PCDHGA3: variants seen among roughly 807,000 people sequenced by gnomAD.
PCDHGA3 encodes protocadherin gamma-A3.
A neutral mutation model predicts 58.5 loss-of-function variants in PCDHGA3; 40 were observed. The ratio of observed to expected loss-of-function variants is 0.68; its 90% CI spans 0.53 to 0.89. PCDHGA3 has a LOEUF of 0.89. PCDHGA3 is among the 40% of genes least tolerant of loss of function. The pLI, the probability that PCDHGA3 is intolerant of heterozygous loss-of-function variation, is 0.00. For synonymous variants in PCDHGA3, 530 were observed against 525.7 expected, an observed-to-expected ratio of 1.01 and a Z score of -0.11; for missense variants, 1,223 against 1,195.9, an observed-to-expected ratio of 1.02 and a Z score of -0.33.
intron 1 of PCDHGA3, chr5:141,393,872 T>G (rs774307056): frequency 1.2e-6 from 2 of 1,613,898 alleles, no homozygotes; most frequent in Admixed American, 3.3e-5. Flanking sequence ...CGTCTTTGTT[T>G]AGCCCAGTGT....
Position 141,511,015 on chromosome 5 carries a change from C to T in PCDHGA3, c.2641C>T (p.Pro881Ser), listed in dbSNP as rs1430257603. The T allele has an allele frequency of 1.2e-6, 2 of 1,614,106 alleles. No homozygotes were observed. The highest frequency in any genetic ancestry group is 1.3e-5 in the African/African-American group (1 of 74,936). The stretch of plus-strand genomic sequence containing the variant: ...CATGGGATTGAGCGCCCGCTACGGA[C>T]CCCAGTTCACCCTGCAGCACGTGCC... ...GTMGLSARYG[P>S]QFTLQHVPDY... Residue 881 changes from proline (P) to serine (S), a missense_variant, in exon 4 of 4, where the codon CCC (proline) becomes TCC (serine). Coordinates refer to ENST00000253812, the MANE Select transcript of PCDHGA3 (RefSeq NM_018916.4).
intron 1 of PCDHGA3, chr5:141,383,561 C>A: frequency 5.0e-6 from 8 of 1,613,196 alleles, no homozygotes; most frequent in Non-Finnish European, 6.8e-6. Context: ...GGCGACCCGC[C>A]CCGATCCAGC....
rs201139834 is a variant in PCDHGA3 at position 141,371,333 on chromosome 5, T to G, written c.2424+24876T>G. ...GAGAACTGGACTTTGAAGAGAGAGA[T>G]AGCTACACAATTGGGGTGGAAGCAA... On this transcript the variant is annotated intron_variant, in intron 1 of 3. Transcript: ENST00000253812. 80 of 1,613,850 alleles carry G rather than the reference T, an allele frequency of 5.0e-5. No homozygotes were observed. The East Asian group carries it at 1.7e-3, about 34-fold the overall frequency.
intron 1 of PCDHGA3, chr5:141,404,268 C>A (rs1334326806): frequency 1.2e-6 from 2 of 1,613,860 alleles, no homozygotes; most frequent in African/African-American, 2.7e-5. Context: ...ATTCACATCA[C>A]CCTGCAAGTG....
At chr5:141,388,668 C>G in intron 1 of PCDHGA3, 1 of 1,613,882 alleles carries the variant, frequency 6.2e-7, no homozygotes, top group Non-Finnish European at 8.5e-7. Flanking sequence ...GACCACGGTG[C>G]TACAGGTGAC....
chr5:141,433,174 G>A (rs1298757358), intron 1 of PCDHGA3: 1 of 1,610,308 alleles, frequency 6.2e-7, no homozygotes, highest in Non-Finnish European at 8.5e-7. Context: ...ACAGTCATGG[G>A]TTAATTGAGG....
chr5:141,368,187 G>A (rs80010247), intron 1 of PCDHGA3, among the ~76,000 whole-genome samples: 206 of 152,174 alleles, frequency 1.4e-3, no homozygotes, highest in African/African-American at 4.8e-3. Context: ...GACTAAATAA[G>A]GGGAAAAGGT....
At chr5:141,362,149 T>C (rs759063405) in intron 1 of PCDHGA3, 2 of 1,614,036 alleles carry the variant, frequency 1.2e-6, no homozygotes, top group East Asian at 2.2e-5. Context: ...GCAAGAGGTA[T>C]TGCCAGACCT....
chr5:141,443,849 T>A (rs1233479391), intron 1 of PCDHGA3, among the ~76,000 whole-genome samples: 2 of 152,136 alleles, frequency 1.3e-5, no homozygotes, highest in Admixed American at 1.3e-4. Flanking sequence ...ATATGGAAAG[T>A]CTGAAAACTG....
chr5:141,457,504 A>G (rs2098922754), intron 1 of PCDHGA3, among the ~76,000 whole-genome samples: 1 of 152,222 alleles, frequency 6.6e-6, no homozygotes, highest in Non-Finnish European at 1.5e-5. Context: ...GTAGGCAAAA[A>G]GCTTAAAAAC....
chr5:141,351,045 T>A, intron 1 of PCDHGA3: 1 of 1,614,090 alleles, frequency 6.2e-7, no homozygotes, highest in Non-Finnish European at 8.5e-7. Flanking sequence ...CTGCGGGTGA[T>A]GGCCACAGAC....
intron 1 of PCDHGA3, chr5:141,428,361 C>T (rs1285334430): frequency 9.0e-6 from 5 of 556,646 alleles, no homozygotes; most frequent in South Asian, 7.5e-5. Context: ...TTTTGGCGGT[C>T]GCCTTGCACC....
rs748591129 is a variant in PCDHGA3 at position 141,388,776 on chromosome 5, G to A, written c.2424+42319G>A. ...ATTTGACCTGAACTCTAACACCGGG[G>A]AAATTACTGTTTTAAATACATTAGA... On this transcript the variant is annotated intron_variant, in intron 1 of 3. Transcript: ENST00000253812. 8.7e-6 allele frequency: 14 copies of A among 1,613,806 alleles called. 1 individual carries two copies. In the South Asian group the frequency reaches 1.1e-4, roughly 13 times the overall value.
intron 2 of PCDHGA3, among the ~76,000 whole-genome samples, chr5:141,501,890 A>G (rs1046816316): frequency 6.6e-6 from 1 of 151,980 alleles, no homozygotes; most frequent in Non-Finnish European, 1.5e-5. Flanking sequence ...CCTGATCATC[A>G]TGGTTCCAAC....
At chr5:141,350,316 T>C in intron 1 of PCDHGA3, 1 of 1,527,202 alleles carries the variant, frequency 6.5e-7, no homozygotes. Context: ...TTTCCCTTCC[T>C]GCTGTCTTTG....
Position 141,357,072 on chromosome 5 carries a change from C to A in PCDHGA3, c.2424+10615C>A, listed in dbSNP as rs745612694. On this transcript the variant is annotated intron_variant, in intron 1 of 3. Coordinates refer to ENST00000253812, the MANE Select transcript of PCDHGA3 (RefSeq NM_018916.4). ...TATTTGCAGTGGGGCTGCACACAGG[C>A]GAGGTGCGCACCGCACGGGCCCTGC... 33 of 1,613,960 alleles carry A rather than the reference C, an allele frequency of 2.0e-5. 1 individual carries two copies. Among genetic ancestry groups the A allele is most frequent in the South Asian group, 1.8e-4 (16 of 91,092 alleles).
At chr5:141,405,217 G>A in intron 1 of PCDHGA3, 9 of 1,614,024 alleles carry the variant, frequency 5.6e-6, no homozygotes, top group Non-Finnish European at 7.6e-6. Context: ...CCTATTCTCA[G>A]GAGTTCTCCC....
rs775712620 is a variant in PCDHGA3, at chr5:141,491,341, G to T, written c.2425-3466G>T. 1 of 1,613,982 alleles carries T rather than the reference G, an allele frequency of 6.2e-7. No homozygotes were observed. The highest frequency in any genetic ancestry group is 8.5e-7 in the Non-Finnish European group (1 of 1,180,016). ...TTACCTCATTGTGGCTCTAGCGACC[G>T]TCAGTCTCTTATCCCTAGTCACCTT... On this transcript the variant is annotated intron_variant, in intron 1 of 3. Coordinates refer to ENST00000253812, the MANE Select transcript of PCDHGA3 (RefSeq NM_018916.4). The surrounding 1 kb of genome is among the most constrained non-coding windows in gnomAD (Gnocchi z 6.9).
intron 1 of PCDHGA3, among the ~76,000 whole-genome samples, chr5:141,454,796 A>ATTTTTTTTTTT (rs61612330): frequency 0.014 from 1,093 of 77,476 alleles, 165 homozygotes; most frequent in African/African-American, 0.018. Flanking sequence ...CATGGTTCTA[A>ATTTTTTTTTTT]TTTTTTTTTT....
Sources: gnomAD v4.1 joint callset for allele counts (sites outside exome capture counted in the v4.1 genomes callset) on GRCh38, gnomAD v4.1.1 for gene constraint, Gnocchi (gnomAD v3.1) non-coding constraint, MANE v1.5 for transcripts, NCBI Gene and HGNC (gene_info 2026-07-23, HGNC 2026-07-21) for gene names.